The following NOP58 variants were observed in gnomAD, a reference collection of about 807,000 sequenced individuals.
NOP58 encodes the protein nucleolar protein 58.
Under a neutral mutation model 71.2 loss-of-function variants are expected in NOP58, and 44 were observed. That is an observed-to-expected ratio of 0.62 (90% CI 0.49 to 0.79). The LOEUF (loss-of-function observed/expected upper bound fraction) is 0.79, where lower values mean the gene tolerates loss of function less well. NOP58 is among the 30% of genes least tolerant of loss of function. NOP58 has a pLI of 0.00. For missense variants in NOP58, 538 were observed against 620.2 expected, an observed-to-expected ratio of 0.87 and a Z score of 1.41; for synonymous variants, 228 against 200.3, an observed-to-expected ratio of 1.14 and a Z score of -1.17.
chr2:202,281,648 C>G (rs1688707307), intron 3 of NOP58, among the ~76,000 whole-genome samples: 1 of 152,152 alleles, frequency 6.6e-6, no homozygotes, highest in African/African-American at 2.4e-5. Context: ...CCGTGTTGGC[C>G]AGGCTGGTGG....
At chr2:202,298,952 A>AT (rs3043921) in intron 12 of NOP58, among the ~76,000 whole-genome samples, 7,860 of 81,504 alleles carry the variant, frequency 0.096, 1,778 homozygotes, top group Non-Finnish European at 0.12. Flanking sequence ...ATCCTTCAAG[A>AT]TTTTTTTTTT....
At chr2:202,290,814 CTG>C (rs1416259595) in intron 7 of NOP58, among the ~76,000 whole-genome samples, 11 of 152,252 alleles carry the variant, frequency 7.2e-5, no homozygotes, top group African/African-American at 2.6e-4. Context: ...ATAAAATTGT[CTG>C]TGACATTATT....
At chr2:202,278,449 A>C (rs1428405548) in intron 3 of NOP58, 1 of 339,400 alleles carries the variant, frequency 2.9e-6, no homozygotes, top group Non-Finnish European at 5.8e-6. Flanking sequence ...GGGGGTATAG[A>C]TTTTTAGTTC....
At chr2:202,279,271 T>G (rs1429608174) in intron 3 of NOP58, among the ~76,000 whole-genome samples, 1 of 152,154 alleles carries the variant, frequency 6.6e-6, no homozygotes, top group Non-Finnish European at 1.5e-5. Context: ...TATTAAACTG[T>G]ATTAAATGGA....
In NOP58 at chr2:202,297,369, T is replaced by A; in HGVS notation, c.1072-10T>A. ...AACATGGAATATAGTTCTTCATGTT[T>A]TTCTATTAGATTTCTCGAATGCTGG... On this transcript the variant is annotated splice_polypyrimidine_tract_variant and intron_variant, in intron 10 of 14. Transcript: ENST00000264279. 2 of 1,609,698 alleles carry A rather than the reference T, an allele frequency of 1.2e-6. No homozygotes were observed. Among genetic ancestry groups the A allele is most frequent in the South Asian group, 2.2e-5 (2 of 90,082 alleles).
intron 5 of NOP58, among the ~76,000 whole-genome samples, chr2:202,287,316 T>C (rs1688804775): frequency 6.6e-6 from 1 of 152,132 alleles, no homozygotes; most frequent in Admixed American, 6.5e-5. Context: ...TCTGCCCACC[T>C]CGGCCTCCCA....
chr2:202,265,916 G>T lies in NOP58; in HGVS notation c.-26G>T. ...CTGACTCTACAGCTTCTGGCAGGCC[G>T]TGCGGCGCCCTGACCCGGCCTCACC... On this transcript the variant is annotated 5_prime_UTR_variant, in exon 1 of 15. Coordinates refer to ENST00000264279, the MANE Select transcript of NOP58 (RefSeq NM_015934.5). 1 of 1,614,044 alleles carries T rather than the reference G, an allele frequency of 6.2e-7. No homozygotes were observed. The highest frequency in any genetic ancestry group is 1.7e-5 in the Admixed American group (1 of 60,030).
chr2:202,298,952 A>ATTTTTT (rs3043921), intron 12 of NOP58, among the ~76,000 whole-genome samples: 5 of 81,434 alleles, frequency 6.1e-5, no homozygotes, highest in Admixed American at 2.9e-4. Context: ...ATCCTTCAAG[A>ATTTTTT]TTTTTTTTTT....
rs80282360 is a variant in NOP58 at position 202,275,121 on chromosome 2, T to C, written c.54T>C (p.Asn18=). The C allele has an allele frequency of 0.11, 171,926 of 1,533,092 alleles. 11,076 individuals are homozygous for C. The highest frequency in any genetic ancestry group is 0.23 in the South Asian group (19,428 of 85,832). The allele number at this position is 1,533,092 out of a possible 1,614,324, so 95.0% of individuals were successfully genotyped here. The change falls in exon 2 of 15, where the codon AAT becomes AAC. Residue 18 remains asparagine, a synonymous_variant. Transcript: ENST00000264279. ...SVGYAIFKVL[N]EKKLQEVDSL... ...TAAACATTTTATTACAGGTTCTAAA[T>C]GAGAAGAAACTTCAAGAGGTTGATA...
intron 3 of NOP58, chr2:202,278,227 T>C (rs755677880): frequency 1.3e-5 from 8 of 625,142 alleles, no homozygotes; most frequent in Middle Eastern, 5.1e-4. Context: ...GTTTTCCCCA[T>C]GTGTGAGGAG....
intron 13 of NOP58, among the ~76,000 whole-genome samples, chr2:202,302,368 G>T (rs753180535): frequency 2.0e-5 from 3 of 152,060 alleles, no homozygotes; most frequent in African/African-American, 7.2e-5. Context: ...GAGATTACAG[G>T]CGTGAGCCAC....
intron 1 of NOP58, among the ~76,000 whole-genome samples, chr2:202,267,242 A>AG (rs1688432992): frequency 6.6e-6 from 1 of 152,210 alleles, no homozygotes; most frequent in Non-Finnish European, 1.5e-5. Context: ...CAAAAACGCT[A>AG]GGTAAAAATA....
intron 6 of NOP58, among the ~76,000 whole-genome samples, chr2:202,289,891 A>G (rs1574384837): frequency 2.0e-5 from 3 of 152,214 alleles, no homozygotes; most frequent in Non-Finnish European, 2.9e-5. Context: ...GCATAACATC[A>G]TAAGAATACT....
chr2:202,295,549 A>G, intron 9 of NOP58, 125 bp from the exon 10 acceptor site: 1 of 675,950 alleles, frequency 1.5e-6, no homozygotes. Context: ...GGATTATAGA[A>G]TTCTATATTA....
rs146590549 is a variant in NOP58 at position 202,287,534 on chromosome 2, A to G, written c.435-126A>G. ...TTAGCTGATTTTTCTTCTTAGAAAA[A>G]CCAATTACAGCTCTGACTACAGGCT... On this transcript the variant is annotated intron_variant, in intron 5 of 14. Coordinates refer to ENST00000264279, the MANE Select transcript of NOP58 (RefSeq NM_015934.5). The G allele has an allele frequency of 7.5e-4, 480 of 642,722 alleles. 1 individual carries two copies. The African/African-American group carries it at 8.2e-3, about 11-fold the overall frequency. The allele number at this position is 642,722 out of a possible 1,614,324, so 39.8% of individuals were successfully genotyped here.
chr2:202,291,417 C>T, intron 8 of NOP58, 147 bp downstream of exon 8: 3 of 519,186 alleles, frequency 5.8e-6, no homozygotes, highest in Non-Finnish European at 1.0e-5. Flanking sequence ...CATCTGATGC[C>T]ATCATGATTT....
At chr2:202,270,550 G>A (rs1688498326) in intron 1 of NOP58, among the ~76,000 whole-genome samples, 1 of 152,206 alleles carries the variant, frequency 6.6e-6, no homozygotes, top group African/African-American at 2.4e-5. Flanking sequence ...TTGGGAGGGT[G>A]AAGCAGGAGG....
At chr2:202,303,231 T>C (rs1252632098) in intron 14 of NOP58, among the ~76,000 whole-genome samples, 155 bp from the exon 15 acceptor site, 1 of 152,176 alleles carries the variant, frequency 6.6e-6, no homozygotes, top group Non-Finnish European at 1.5e-5. Context: ...TTCCCAAATC[T>C]AGAATTTATT....
At chr2:202,277,904 G>T in intron 2 of NOP58, 46 bp from the exon 3 acceptor site, 1 of 988,208 alleles carries the variant, frequency 1.0e-6, no homozygotes. Flanking sequence ...TTGAATCAAC[G>T]CACTGCCCCC....
Sources: allele counts gnomAD v4.1 joint callset (sites outside exome capture counted in the v4.1 genomes callset), GRCh38; gene constraint gnomAD v4.1.1; transcripts MANE v1.5; gene names NCBI Gene and HGNC (gene_info 2026-07-23, HGNC 2026-07-21).